Variants in PMEPA1 observed in about 807,000 individuals in gnomAD.
PMEPA1 encodes protein TMEPAI.
A neutral mutation model predicts 23.0 loss-of-function variants in PMEPA1; 11 were observed. That is an observed-to-expected ratio of 0.48 (90% confidence interval 0.30 to 0.79). The LOEUF is 0.79. PMEPA1 is among the 30% of genes least tolerant of loss of function. The pLI, the probability that PMEPA1 is intolerant of heterozygous loss-of-function variation, is 0.06. For synonymous variants in PMEPA1, 204 were observed against 166.4 expected (o/e 1.23, Z -1.74); for missense variants, 377 against 390.9 (o/e 0.96, Z 0.30).
chr20:57,676,233 C>T (rs1244218818), intron 1 of PMEPA1, among the ~76,000 whole-genome samples: 3 of 152,244 alleles, frequency 2.0e-5, no homozygotes, highest in South Asian at 2.1e-4. Flanking sequence ...CTGTGGTGAC[C>T]TGGCCCCTTG....
chr20:57,702,227 G>A (rs1163806393), intron 1 of PMEPA1, among the ~76,000 whole-genome samples: 1 of 152,298 alleles, frequency 6.6e-6, no homozygotes, highest in East Asian at 1.9e-4. Flanking sequence ...GGTGCTGAAC[G>A]CTGAGCCCCT....
In PMEPA1 at chr20:57,709,734, C is replaced by T. The variant is rs1267241773; in HGVS notation, c.-152G>A. ...GCCGGGCTCGGGTCGCCGCCAAGTTCCCGGGGCGCCGCGGGGCTCAGTGCG... is the reference window on the plus strand; with the variant it reads ...GCCGGGCTCGGGTCGCCGCCAAGTTTCCGGGGCGCCGCGGGGCTCAGTGCG... On this transcript the variant is annotated 5_prime_UTR_variant, in exon 1 of 4. Coordinates refer to ENST00000341744, the MANE Select transcript of PMEPA1 (RefSeq NM_020182.5). The T allele has an allele frequency of 1.0e-6, 1 of 979,294 alleles. No homozygotes were observed. Among genetic ancestry groups the T allele is most frequent in the Admixed American group, 6.3e-5 (1 of 15,800 alleles). The allele number at this position is 979,294 out of a possible 1,614,324, so 60.7% of individuals were successfully genotyped here. A position where few individuals can be genotyped will look rare whatever the true frequency, so the allele number is the denominator to read the frequency against.
chr20:57,672,806 G>C (rs1343251702), intron 1 of PMEPA1, among the ~76,000 whole-genome samples: 1 of 152,284 alleles, frequency 6.6e-6, no homozygotes, highest in South Asian at 2.1e-4. Flanking sequence ...CGGTTAAAAG[G>C]AATCCTGGCG....
At position 57,652,533 on chromosome 20, in the gene PMEPA1, C is replaced by CGG. The variant is rs781428253; in HGVS notation, c.383_384insCC (p.Glu128AspfsTer52). 4 of 1,558,186 alleles carry CGG rather than the reference C, an allele frequency of 2.6e-6. No homozygotes were observed. In the African/African-American group the frequency reaches 5.4e-5, roughly 21 times the overall value. On this transcript the variant is annotated frameshift_variant, in exon 4 of 4. Transcript: ENST00000341744. LOFTEE classifies it high-confidence loss of function. The surrounding 1 kb of genome is among the most constrained non-coding windows in gnomAD (Gnocchi z 6.1). ...AGGTGGGCTGGAAGCGGTGGAAGCG[C>CGG]TCCCGCTGGGCGAAGGGCGGCACGG...
chr20:57,658,593 C>T (rs370514299), intron 2 of PMEPA1, among the ~76,000 whole-genome samples: 2 of 152,152 alleles, frequency 1.3e-5, no homozygotes, highest in Non-Finnish European at 2.9e-5. Flanking sequence ...GTGCTAAAGC[C>T]CTGAATCTCT....
intron 1 of PMEPA1, among the ~76,000 whole-genome samples, chr20:57,680,066 G>A (rs2071691896): frequency 6.6e-6 from 1 of 152,220 alleles, no homozygotes; most frequent in Admixed American, 6.5e-5. Context: ...CTAGCTTGTG[G>A]CATGGAGTCT....
rs2071760114 is a variant in PMEPA1, at chr20:57,683,783, C to G, written c.110-24086G>C. On this transcript the variant is annotated intron_variant, in intron 1 of 3. Coordinates refer to ENST00000341744, the MANE Select transcript of PMEPA1 (RefSeq NM_020182.5). This position sits in a 1 kb window ranked among gnomAD's most constrained non-coding sequence, Gnocchi z 4.3. ...CCACCAAGAGGGAAGGACTAGAGCC[C>G]AGCAGCTCTCAGAGTTCTTGGAGTT... is the stretch of plus-strand genomic sequence containing the variant. 6.6e-6 allele frequency among the ~76,000 whole-genome samples: 1 copy of G among 151,870 alleles called. No individual in the cohort carries two copies. The highest frequency in any genetic ancestry group is 1.5e-5 in the Non-Finnish European group (1 of 67,980).
At chr20:57,660,595 AC>A (rs772387914) in intron 1 of PMEPA1, among the ~76,000 whole-genome samples, 20 of 133,952 alleles carry the variant, frequency 1.5e-4, no homozygotes, top group East Asian at 6.6e-4. Flanking sequence ...CACAAATAAC[AC>A]CCCAACACGT....
chr20:57,652,930 G>T lies in PMEPA1; in HGVS notation c.318+103C>A. On this transcript the variant is annotated intron_variant, in intron 3 of 3. Transcript: ENST00000341744. The surrounding 1 kb of genome is among the most constrained non-coding windows in gnomAD (Gnocchi z 6.1). ...CCAGCAGCAAGGGCACTGCAGAGGA[G>T]GGCGGAGGGGTGAGCCTTTAGCAGC... 1 of 962,488 alleles carries T rather than the reference G, an allele frequency of 1.0e-6. No homozygotes were observed. 59.6% of individuals were successfully genotyped at this position (962,488 alleles called of 1,614,324 possible). A position where few individuals can be genotyped will look rare whatever the true frequency, so the allele number is the denominator to read the frequency against.
intron 1 of PMEPA1, among the ~76,000 whole-genome samples, chr20:57,677,523 G>A (rs1276958421): frequency 6.6e-6 from 1 of 152,158 alleles, no homozygotes; most frequent in African/African-American, 2.4e-5. Flanking sequence ...TGTGAAAGAG[G>A]AAGGAATCTC....
rs2072067812 is a variant in PMEPA1 at position 57,705,392 on chromosome 20, C to T, written c.109+4082G>A. Among the ~76,000 whole-genome samples, 2 of 152,208 alleles carry T rather than the reference C, an allele frequency of 1.3e-5. 1 individual carries two copies. The highest frequency in any genetic ancestry group is 4.1e-4 in the South Asian group (2 of 4,832). On this transcript the variant is annotated intron_variant, in intron 1 of 3. Transcript: ENST00000341744. Reference sequence around the variant, plus strand: ...CACCACAACCTAAAACCCAGACAGTCAGAAAACCTGTGGGTGAAAAGTCCC... The same window carrying T: ...CACCACAACCTAAAACCCAGACAGTTAGAAAACCTGTGGGTGAAAAGTCCC...
Position 57,653,214 on chromosome 20 carries a change from T to A in PMEPA1, c.265-128A>T, listed in dbSNP as rs985632656. 5.1e-6 allele frequency: 4 copies of A among 777,344 alleles called. No homozygotes were observed. The African/African-American group carries it at 6.8e-5, about 13-fold the overall frequency. 48.2% of individuals were successfully genotyped at this position (777,344 alleles called of 1,614,324 possible). On this transcript the variant is annotated intron_variant, in intron 2 of 3. Coordinates refer to ENST00000341744, the MANE Select transcript of PMEPA1 (RefSeq NM_020182.5). ...TCTTGAACCCGCCCACCTCTCTGCA[T>A]CGGAACCAGCTTCCCCAGCCCCTGG... is the stretch of plus-strand genomic sequence containing the variant.
chr20:57,678,174 A>G (rs2071664542), intron 1 of PMEPA1, among the ~76,000 whole-genome samples: 1 of 152,154 alleles, frequency 6.6e-6, no homozygotes, highest in Non-Finnish European at 1.5e-5. Flanking sequence ...AGACACACAC[A>G]CTCGAATGAG....
rs545216940 is a variant in PMEPA1 at position 57,689,340 on chromosome 20, G to A, written c.109+20134C>T. On this transcript the variant is annotated intron_variant, in intron 1 of 3. Transcript: ENST00000341744. The stretch of plus-strand genomic sequence containing the variant: ...CAAAGGGAGCATGAGTGTCTAGACC[G>A]CCAGTCTGAACGTGAGAAGGGGGTA... Among the ~76,000 whole-genome samples the A allele has an allele frequency of 2.6e-5, 4 of 152,248 alleles. No individual in the cohort carries two copies. In the South Asian group the frequency reaches 8.3e-4, roughly 32 times the overall value.
chr20:57,709,754 A>G lies in PMEPA1; in HGVS notation c.-172T>C. 2.0e-6 allele frequency: 2 copies of G among 979,592 alleles called. No homozygotes were observed. Among genetic ancestry groups the G allele is most frequent in the Non-Finnish European group, 2.4e-6 (2 of 827,468 alleles). 60.7% of individuals were successfully genotyped at this position (979,592 alleles called of 1,614,324 possible). Reference sequence around the variant, plus strand: ...AAGTTCCCGGGGCGCCGCGGGGCTCAGTGCGCGGGACCGCGCTCCGCTGCG... The same window carrying G: ...AAGTTCCCGGGGCGCCGCGGGGCTCGGTGCGCGGGACCGCGCTCCGCTGCG... On this transcript the variant is annotated 5_prime_UTR_variant, in exon 1 of 4. Coordinates refer to ENST00000341744, the MANE Select transcript of PMEPA1 (RefSeq NM_020182.5).
At chr20:57,697,565 T>C (rs2071957660) in intron 1 of PMEPA1, among the ~76,000 whole-genome samples, 1 of 152,204 alleles carries the variant, frequency 6.6e-6, no homozygotes. Flanking sequence ...AATGACACGC[T>C]TTGCACTTGG....
rs1365004548 is a variant in PMEPA1 at position 57,709,948 on chromosome 20, C to G, written c.-366G>C. 1.7e-5 allele frequency: 17 copies of G among 1,010,750 alleles called. No homozygotes were observed. The highest frequency in any genetic ancestry group is 1.9e-5 in the Non-Finnish European group (16 of 849,810). The allele number at this position is 1,010,750 out of a possible 1,614,324, so 62.6% of individuals were successfully genotyped here. A position where few individuals can be genotyped will look rare whatever the true frequency, so the allele number is the denominator to read the frequency against. On this transcript the variant is annotated 5_prime_UTR_variant, in exon 1 of 4. Transcript: ENST00000341744. ...CCGCCGCCGCCGCCGCCTCCTCCTC[C>G]TCATTCAAGTCCAAGGAGATCGGGT...
chr20:57,705,006 A>G (rs1210015208), intron 1 of PMEPA1, among the ~76,000 whole-genome samples: 1 of 152,052 alleles, frequency 6.6e-6, no homozygotes, highest in East Asian at 1.9e-4. Context: ...CTTACAGGGG[A>G]GAATGTGCAC....
intron 1 of PMEPA1, among the ~76,000 whole-genome samples, chr20:57,700,493 G>GT (rs908107080): frequency 2.0e-5 from 3 of 152,206 alleles, no homozygotes; most frequent in Non-Finnish European, 4.4e-5. Flanking sequence ...CTGTTAGGTG[G>GT]TTCTAGCTGT....
Sources: allele counts gnomAD v4.1 joint callset (sites outside exome capture counted in the v4.1 genomes callset), GRCh38; gene constraint gnomAD v4.1.1; non-coding constraint Gnocchi (gnomAD v3.1); transcripts MANE v1.5; gene names NCBI Gene and HGNC (gene_info 2026-07-23, HGNC 2026-07-21).